Variants in MRPL37 observed in about 807,000 individuals in gnomAD.
MRPL37 encodes the protein mitochondrial ribosomal protein L37, also known as large ribosomal subunit protein mL37.
In MRPL37, 34 loss-of-function variants were observed where a neutral mutation model predicts 44.1. The ratio of observed to expected loss-of-function variants is 0.77; its 90% CI spans 0.59 to 1.03. The LOEUF is 1.03. Among genes scored for constraint, MRPL37 ranks in the 50% least tolerant of loss-of-function variants. MRPL37 has a pLI of 0.00. For synonymous variants in MRPL37, 212 were observed against 219.5 expected, an observed-to-expected ratio of 0.97 and a Z score of 0.30; for missense variants, 532 against 543.7, an observed-to-expected ratio of 0.98 and a Z score of 0.21.
At chr1:54,221,002 T>C (rs1022928538), downstream of MRPL37, 2 of 367,338 alleles carry the variant, frequency 5.4e-6, no homozygotes, top group Non-Finnish European at 1.1e-5. Context: ...AAGCCACTTT[T>C]CCCCTCCTGT....
Position 54,214,033 on chromosome 1 carries a change from AT to A in MRPL37, c.990+1377del, listed in dbSNP as rs564927640. On this transcript the variant is annotated intron_variant, in intron 5 of 6. Transcript: ENST00000360840. ...CCCCATCTCTACTAAAAATACAAAGATTAGCTGGGTGTGGTGGCATGCACGT... is the reference window on the plus strand; with the variant it reads ...CCCCATCTCTACTAAAAATACAAAGATAGCTGGGTGTGGTGGCATGCACGT... Among the ~76,000 whole-genome samples the A allele has an allele frequency of 2.5e-3, 375 of 152,328 alleles. 1 individual carries two copies. The highest frequency in any genetic ancestry group is 4.0e-3 in the Non-Finnish European group (270 of 68,030).
downstream of MRPL37, among the ~76,000 whole-genome samples, chr1:54,222,565 C>T (rs1364630005): frequency 6.6e-6 from 1 of 152,140 alleles, no homozygotes; most frequent in Non-Finnish European, 1.5e-5. Context: ...CTTTTCTTCT[C>T]GTGGTCACCA....
downstream of MRPL37, among the ~76,000 whole-genome samples, chr1:54,221,451 AC>A (rs918895919): frequency 1.3e-5 from 2 of 151,734 alleles, no homozygotes; most frequent in African/African-American, 4.8e-5. Context: ...CTGCTGGAAG[AC>A]CCCCGATCCA....
downstream of MRPL37, chr1:54,225,283 T>C: frequency 1.6e-6 from 2 of 1,234,218 alleles, no homozygotes; most frequent in Non-Finnish European, 2.0e-6. Context: ...ACACAGAATT[T>C]GCAGGCCCAG....
downstream of MRPL37, among the ~76,000 whole-genome samples, chr1:54,223,637 G>T (rs1005180218): frequency 1.3e-5 from 2 of 152,190 alleles, no homozygotes; most frequent in African/African-American, 4.8e-5. Context: ...CTCAGGCCTG[G>T]TCCTACCTCT....
intron 1 of MRPL37, among the ~76,000 whole-genome samples, chr1:54,202,222 AAAATCTGGGACTC>A (rs1178950723): frequency 3.3e-5 from 5 of 151,784 alleles, no homozygotes; most frequent in Admixed American, 6.6e-5. Context: ...GGCTGGTCTC[AAAATCTGGGACTC>A]AAGTGATCCT....
intron 3 of MRPL37, among the ~76,000 whole-genome samples, chr1:54,206,197 C>G (rs1262717552): frequency 5.9e-5 from 9 of 152,244 alleles, no homozygotes. Flanking sequence ...ACTGCAAGCT[C>G]CACCTCCCGG....
intron 6 of MRPL37, among the ~76,000 whole-genome samples, chr1:54,216,695 C>T (rs144138879): frequency 7.9e-5 from 12 of 152,296 alleles, no homozygotes; most frequent in African/African-American, 2.9e-4. Flanking sequence ...GGCTATCCTC[C>T]ACTTGTCCTT....
chr1:54,225,175 T>C (rs1644268302), downstream of MRPL37: 3 of 1,234,110 alleles, frequency 2.4e-6, no homozygotes, highest in East Asian at 6.3e-5. Context: ...AGACAAGAAA[T>C]GGAAAATGGC....
chr1:54,211,129 GTCATCTTTCACAGT>G (rs2100510143), intron 4 of MRPL37, among the ~76,000 whole-genome samples: 1 of 152,124 alleles, frequency 6.6e-6, no homozygotes, highest in East Asian at 1.9e-4. Context: ...TTGCTAACTT[GTCATCTTTCACAGT>G]TCATCTTAGG....
At chr1:54,220,819 C>T (rs1261023966), downstream of MRPL37, 2 of 469,320 alleles carry the variant, frequency 4.3e-6, no homozygotes, top group Admixed American at 2.4e-5. Flanking sequence ...AGCGAAACCC[C>T]ACGAGAGGAA....
Position 54,200,236 on chromosome 1 carries a change from A to T in MRPL37, c.-8A>T, listed in dbSNP as rs1235005901. 6.4e-7 allele frequency: 1 copy of T among 1,556,412 alleles called. No individual in the cohort carries two copies. Among genetic ancestry groups the T allele is most frequent in the Admixed American group, 1.9e-5 (1 of 51,884 alleles). On this transcript the variant is annotated 5_prime_UTR_variant, in exon 1 of 7. Coordinates refer to ENST00000360840, the MANE Select transcript of MRPL37 (RefSeq NM_016491.4). ...TCCAGGTGGAGGTCTTGAGGCTATC[A>T]GATCGGTATGGCATTGGCGTCCGGG...
chr1:54,223,021 C>T (rs1389707654), downstream of MRPL37, among the ~76,000 whole-genome samples: 2 of 152,216 alleles, frequency 1.3e-5, no homozygotes, highest in Non-Finnish European at 2.9e-5. Context: ...GGAGGGCTGA[C>T]ATGGGAGGCA....
intron 5 of MRPL37, among the ~76,000 whole-genome samples, chr1:54,215,217 A>G (rs1226850597): frequency 6.6e-6 from 1 of 152,168 alleles, no homozygotes; most frequent in Non-Finnish European, 1.5e-5. Flanking sequence ...AACCAGAACA[A>G]CAGGGCTTTC....
Position 54,210,058 on chromosome 1 carries a change from A to G in MRPL37, c.759A>G (p.Leu253=), listed in dbSNP as rs1358443816. The change falls in exon 4 of 7, where the codon CTA becomes CTG. Residue 253 remains leucine (L), a synonymous_variant. Coordinates refer to ENST00000360840, the MANE Select transcript of MRPL37 (RefSeq NM_016491.4). ...EEIEATKNHV[L]ETFYPISPII... ...TTGAAGCTACTAAGAATCATGTTCT[A>G]GAGACCTTCTACCCCATATCACCCA... The G allele has an allele frequency of 2.5e-6, 4 of 1,614,082 alleles. No individual in the cohort carries two copies. Among genetic ancestry groups the G allele is most frequent in the African/African-American group, 2.7e-5 (2 of 74,930 alleles).
In MRPL37 at chr1:54,216,261, A is replaced by T. The variant is rs1416356897; in HGVS notation, c.1111A>T (p.Lys371Ter). The T allele has an allele frequency of 6.2e-7, 1 of 1,614,082 alleles. No individual in the cohort carries two copies. Among genetic ancestry groups the T allele is most frequent in the Non-Finnish European group, 8.5e-7 (1 of 1,180,050 alleles). ...TTDLDCNEGV[K>*]NLAWVDSDQL... ...AGACCTGGACTGTAACGAGGGTGTC[A>T]AGAATTTGGCCTGGGTGGACTCAGA... The change falls in exon 6 of 7, where the codon AAG (lysine) becomes TAG (stop). Residue 371 changes from lysine to a stop codon, truncating the protein, a stop_gained. Coordinates refer to ENST00000360840, the MANE Select transcript of MRPL37 (RefSeq NM_016491.4). LOFTEE classifies it high-confidence loss of function.
At chr1:54,218,811 C>T (rs541759326), downstream of MRPL37, among the ~76,000 whole-genome samples, 33 of 152,336 alleles carry the variant, frequency 2.2e-4, 1 homozygote, top group South Asian at 6.8e-3. Context: ...ACACTGCTGC[C>T]ATGCCAAGCA....
At chr1:54,209,186 G>A (rs1259148252) in intron 3 of MRPL37, among the ~76,000 whole-genome samples, 1 of 152,162 alleles carries the variant, frequency 6.6e-6, no homozygotes, top group Non-Finnish European at 1.5e-5. Flanking sequence ...ACACATCTCT[G>A]GTTCCCCAGG....
At position 54,205,599 on chromosome 1, in the gene MRPL37, T is replaced by A. The variant is rs562477649; in HGVS notation, c.646+189T>A. ...ATAGCCCAACCATTTTTGTTTTTAA[T>A]CACTTTCTAAGACGTTAATTCAACC... is the stretch of plus-strand genomic sequence containing the variant. On this transcript the variant is annotated intron_variant, in intron 3 of 6. Transcript: ENST00000360840. Among the ~76,000 whole-genome samples, 7 of 152,322 alleles carry A rather than the reference T, an allele frequency of 4.6e-5. No homozygotes were observed. The South Asian group carries it at 1.4e-3, about 32-fold the overall frequency.
Sources: allele counts gnomAD v4.1 joint callset (sites outside exome capture counted in the v4.1 genomes callset), GRCh38; gene constraint gnomAD v4.1.1; transcripts MANE v1.5; gene names NCBI Gene and HGNC (gene_info 2026-07-23, HGNC 2026-07-21).